Variants in PRELID2 observed in about 807,000 individuals in gnomAD.
PRELID2 encodes the protein PRELI domain containing 2.
In PRELID2, 25 loss-of-function variants were observed where a neutral mutation model predicts 28.4. The observed-to-expected ratio is 0.88, with a 90% CI of 0.64 to 1.23. The LOEUF (loss-of-function observed/expected upper bound fraction) is 1.23. PRELID2 is among the 50% of genes most tolerant of loss of function. The probability of loss-of-function intolerance (pLI) is 0.00; values close to 1 mark genes in which losing one functional copy is unlikely to be tolerated. For missense variants in PRELID2, 201 were observed against 214.4 expected (o/e 0.94, Z 0.39); for synonymous variants, 76 against 71.6 (o/e 1.06, Z -0.31).
the PRELID2 span, among the ~76,000 whole-genome samples, chr5:145,419,122 T>C: frequency 6.6e-6 from 1 of 150,426 alleles, no homozygotes; most frequent in African/African-American, 2.4e-5. Flanking sequence ...CTTAATCCAG[T>C]CTATCATTGT....
At chr5:145,536,798 G>T (rs897721644) in intron 1 of PRELID2, among the ~76,000 whole-genome samples, 3 of 151,866 alleles carry the variant, frequency 2.0e-5, no homozygotes, top group Non-Finnish European at 4.4e-5. Context: ...GTGAATAAAA[G>T]AAAATTTGTT....
At chr5:145,528,726 CAG>C (rs1035893212) in intron 1 of PRELID2, among the ~76,000 whole-genome samples, 3,436 of 53,296 alleles carry the variant, frequency 0.064, 40 homozygotes, top group East Asian at 0.22. Flanking sequence ...CACACACACA[CAG>C]AGAGAGAGAG....
chr5:145,744,314 T>C lies in PRELID2; in HGVS notation n.70+20617A>G, dbSNP rs185451458. ...GAATCTGGGCAGACCAGACGAGGGG[T>C]TTCCCCCCATTGAAGCACATCCACT... On this transcript the variant is annotated intron_variant and non_coding_transcript_variant, in intron 1 of 2. Transcript: ENST00000510259. Among the ~76,000 whole-genome samples, 423 of 152,170 alleles carry C rather than the reference T, an allele frequency of 2.8e-3. 3 individuals carry two copies. Among genetic ancestry groups the C allele is most frequent in the African/African-American group, 9.2e-3 (381 of 41,524 alleles).
intron 1 of PRELID2, among the ~76,000 whole-genome samples, chr5:145,530,677 T>C (rs1282269337): frequency 6.6e-6 from 1 of 152,094 alleles, no homozygotes; most frequent in African/African-American, 2.4e-5. Flanking sequence ...CAGGACTTTT[T>C]CTTGTCTGAA....
chr5:145,690,993 G>A (rs1479101253), intron 1 of PRELID2, among the ~76,000 whole-genome samples: 1 of 151,676 alleles, frequency 6.6e-6, no homozygotes, highest in Non-Finnish European at 1.5e-5. Context: ...AATTATAATA[G>A]CCAACTCCAA....
chr5:145,302,821 A>G, the PRELID2 span, among the ~76,000 whole-genome samples: 1 of 152,164 alleles, frequency 6.6e-6, no homozygotes, highest in East Asian at 1.9e-4. Context: ...TAGTAGTAAC[A>G]GTAGTAAAGG....
At chr5:145,545,902 C>T (rs565217765) in intron 1 of PRELID2, among the ~76,000 whole-genome samples, 4 of 152,082 alleles carry the variant, frequency 2.6e-5, no homozygotes, top group South Asian at 2.1e-4. Flanking sequence ...AGGCTATTCA[C>T]GTACATAGAA....
the PRELID2 span, among the ~76,000 whole-genome samples, chr5:145,322,606 C>T: frequency 6.6e-6 from 1 of 152,166 alleles, no homozygotes. Flanking sequence ...AATTTGAAAA[C>T]TTCAACTGAT....
the PRELID2 span, among the ~76,000 whole-genome samples, chr5:145,367,280 A>C: frequency 6.6e-6 from 1 of 151,930 alleles, no homozygotes; most frequent in African/African-American, 2.4e-5. Flanking sequence ...GCACTGTCTG[A>C]ATTTTTAAGT....
intron 1 of PRELID2, among the ~76,000 whole-genome samples, chr5:145,474,112 C>G (rs1321474909): frequency 6.6e-6 from 1 of 152,180 alleles, no homozygotes; most frequent in East Asian, 1.9e-4. Context: ...GTGTTACGCC[C>G]ACATGGGCAG....
chr5:145,791,082 A>G (rs1021141320), intron 5 of PRELID2, among the ~76,000 whole-genome samples: 1 of 152,102 alleles, frequency 6.6e-6, no homozygotes, highest in African/African-American at 2.4e-5. Context: ...TTTATAAAGG[A>G]AAGAGTTTTA....
chr5:145,650,855 G>A (rs1281830122), intron 1 of PRELID2, among the ~76,000 whole-genome samples: 1 of 152,022 alleles, frequency 6.6e-6, no homozygotes, highest in Non-Finnish European at 1.5e-5. Context: ...GATAATTTCT[G>A]CATTTCCAAC....
At chr5:145,637,758 C>G (rs1754023130) in intron 1 of PRELID2, among the ~76,000 whole-genome samples, 1 of 151,624 alleles carries the variant, frequency 6.6e-6, no homozygotes, top group Admixed American at 6.6e-5. Flanking sequence ...GGGAAAACCA[C>G]TTTTTCAAAG....
At position 145,832,025 on chromosome 5, in the gene PRELID2, A is replaced by G. The variant is rs578090825; in HGVS notation, c.75+3152T>C. 1.1e-4 allele frequency among the ~76,000 whole-genome samples: 16 copies of G among 152,318 alleles called. No homozygotes were observed. The East Asian group carries it at 1.2e-3, about 11-fold the overall frequency. ...GCTACGTTTTGGAGTGGTTTGTTAC[A>G]TACCAATAGATAACTTAAACATTCT... On this transcript the variant is annotated intron_variant, in intron 1 of 6. Transcript: ENST00000683046.
At chr5:145,781,274 G>A (rs558312222) in intron 5 of PRELID2, among the ~76,000 whole-genome samples, 8 of 152,282 alleles carry the variant, frequency 5.3e-5, no homozygotes, top group Admixed American at 5.2e-4. Context: ...CTGCAGGGCT[G>A]AAGGACACAG....
intron 1 of PRELID2, among the ~76,000 whole-genome samples, chr5:145,614,632 G>T (rs1753668733): frequency 6.6e-6 from 1 of 152,056 alleles, no homozygotes; most frequent in African/African-American, 2.4e-5. Context: ...TCTCTGCTTG[G>T]TTGCTGTTGG....
At chr5:145,363,463 A>T in the PRELID2 span, among the ~76,000 whole-genome samples, 1 of 152,130 alleles carries the variant, frequency 6.6e-6, no homozygotes, top group East Asian at 1.9e-4. Context: ...AAGTCCTCTG[A>T]CTCATTAATA....
the PRELID2 span, chr5:145,437,191 G>C: frequency 6.6e-6 from 1 of 152,154 alleles, no homozygotes; most frequent in African/African-American, 2.4e-5. Context: ...GCCTTGCTGA[G>C]GAGGCGTTGA....
chr5:145,685,384 CA>C (rs1319579168), intron 1 of PRELID2, among the ~76,000 whole-genome samples: 3 of 152,282 alleles, frequency 2.0e-5, no homozygotes, highest in Admixed American at 6.5e-5. Context: ...TAGGTCTTTG[CA>C]AATGTTATTC....
Sources: gnomAD v4.1 joint callset for allele counts (sites outside exome capture counted in the v4.1 genomes callset) on GRCh38, gnomAD v4.1.1 for gene constraint, MANE v1.5 for transcripts, NCBI Gene and HGNC (gene_info 2026-07-23, HGNC 2026-07-21) for gene names.